Variants in CNTN4 observed in about 807,000 individuals in gnomAD.
The protein encoded by CNTN4 is contactin 4, also known as contactin-4.
In CNTN4, 77 loss-of-function variants were observed where a neutral mutation model predicts 122.5. The observed-to-expected ratio is 0.63, with a 90% CI of 0.52 to 0.76. The LOEUF (loss-of-function observed/expected upper bound fraction) is 0.76, where lower values mean the gene tolerates loss of function less well. Among genes scored for constraint, CNTN4 ranks in the 30% least tolerant of loss-of-function variants. The probability of loss-of-function intolerance (pLI) is 0.00; values close to 1 mark genes in which losing one functional copy is unlikely to be tolerated. For synonymous variants in CNTN4, 512 were observed against 447.0 expected (o/e 1.15, Z -1.83); for missense variants, 1,256 against 1,259.1 (o/e 1.00, Z 0.04).
chr3:2,999,619 A>T (rs1398011113), intron 14 of CNTN4, among the ~76,000 whole-genome samples: 1 of 152,076 alleles, frequency 6.6e-6, no homozygotes, highest in African/African-American at 2.4e-5. Flanking sequence ...TCCAGAGGGG[A>T]GGAACATGGC....
intron 2 of CNTN4, among the ~76,000 whole-genome samples, chr3:2,192,270 G>A (rs892129230): frequency 1.3e-5 from 2 of 152,034 alleles, no homozygotes; most frequent in East Asian, 1.9e-4. Flanking sequence ...GGGTCAAATG[G>A]TATTTCTAGT....
At chr3:2,348,490 C>G (rs555462671) in intron 3 of CNTN4, among the ~76,000 whole-genome samples, 63 of 152,322 alleles carry the variant, frequency 4.1e-4, no homozygotes, top group Admixed American at 1.2e-3. Context: ...GAGAACCACC[C>G]TGTCCCTGAA....
intron 2 of CNTN4, among the ~76,000 whole-genome samples, chr3:2,237,198 G>A (rs2039714864): frequency 6.6e-6 from 1 of 152,120 alleles, no homozygotes; most frequent in Non-Finnish European, 1.5e-5. Context: ...GTTGTGGGGA[G>A]GTGGTGGTGA....
At chr3:2,440,393 T>A (rs2048392118) in intron 3 of CNTN4, among the ~76,000 whole-genome samples, 1 of 152,224 alleles carries the variant, frequency 6.6e-6, no homozygotes, top group South Asian at 2.1e-4. Flanking sequence ...AATGTATGAA[T>A]GAAATTTTGT....
At chr3:2,291,758 G>C (rs1486433423) in intron 2 of CNTN4, among the ~76,000 whole-genome samples, 1 of 151,778 alleles carries the variant, frequency 6.6e-6, no homozygotes, top group Non-Finnish European at 1.5e-5. Flanking sequence ...TTTTGAGATA[G>C]AGTCTCGCTC....
chr3:2,319,028 TA>T (rs2043199437), intron 2 of CNTN4, among the ~76,000 whole-genome samples: 1 of 152,178 alleles, frequency 6.6e-6, no homozygotes, highest in Admixed American at 6.5e-5. Flanking sequence ...CCTCTTCTAA[TA>T]AAATTGTTTT....
chr3:3,000,064 T>C (rs561892693), intron 14 of CNTN4, among the ~76,000 whole-genome samples: 1 of 152,266 alleles, frequency 6.6e-6, no homozygotes, highest in African/African-American at 2.4e-5. Context: ...AGTGATAAAA[T>C]ATAAAGATTT....
chr3:2,294,089 G>A (rs753570169), intron 2 of CNTN4, among the ~76,000 whole-genome samples: 8 of 152,184 alleles, frequency 5.3e-5, no homozygotes, highest in Non-Finnish European at 8.8e-5. Flanking sequence ...CCATGGTGGT[G>A]AGGCAGGCCA....
chr3:2,254,648 G>T (rs1296055639), intron 2 of CNTN4, among the ~76,000 whole-genome samples: 2 of 152,176 alleles, frequency 1.3e-5, no homozygotes, highest in Non-Finnish European at 1.5e-5. Flanking sequence ...CAGGGATGAT[G>T]AGCGTTTTTT....
At chr3:2,225,247 G>C (rs996294680) in intron 2 of CNTN4, among the ~76,000 whole-genome samples, 33 of 150,132 alleles carry the variant, frequency 2.2e-4, no homozygotes, top group South Asian at 4.2e-4. Flanking sequence ...AGGCGCATTG[G>C]CTCACACCTG....
chr3:2,354,747 A>G (rs974156449), intron 3 of CNTN4, among the ~76,000 whole-genome samples: 1 of 152,064 alleles, frequency 6.6e-6, no homozygotes, highest in African/African-American at 2.4e-5. Context: ...GGCTGTAAGT[A>G]AGCTGTTGAT....
intron 3 of CNTN4, among the ~76,000 whole-genome samples, chr3:2,483,402 A>C (rs2076060999): frequency 1.3e-5 from 2 of 152,106 alleles, no homozygotes; most frequent in African/African-American, 4.8e-5. Flanking sequence ...CTTCTCTCAG[A>C]TGACATTTTG....
intron 6 of CNTN4, among the ~76,000 whole-genome samples, chr3:2,779,041 G>T (rs1395446695): frequency 6.6e-6 from 1 of 152,150 alleles, no homozygotes; most frequent in Non-Finnish European, 1.5e-5. Flanking sequence ...ATTTCCTTCA[G>T]ATGATGAAAT....
chr3:2,175,844 G>A (rs2036725267), intron 2 of CNTN4, among the ~76,000 whole-genome samples: 1 of 152,114 alleles, frequency 6.6e-6, no homozygotes, highest in Non-Finnish European at 1.5e-5. Context: ...GCAGAGAGAG[G>A]GCAATGATAT....
At chr3:2,449,780 C>A (rs1023897579) in intron 3 of CNTN4, among the ~76,000 whole-genome samples, 1 of 152,074 alleles carries the variant, frequency 6.6e-6, no homozygotes, top group Non-Finnish European at 1.5e-5. Flanking sequence ...ATAATGAAAT[C>A]TTGCTATTTA....
In CNTN4 at chr3:2,608,640, C is replaced by T. The variant is rs185477440; in HGVS notation, c.55+37082C>T. On this transcript the variant is annotated intron_variant, in intron 4 of 24. Coordinates refer to ENST00000418658, the MANE Select transcript of CNTN4 (RefSeq NM_175607.3). The stretch of plus-strand genomic sequence containing the variant: ...GGTATTACAGGCACGTGCCACCATG[C>T]CTGGCTAATTTTTTCTCTTTTTAGT... Among the ~76,000 whole-genome samples, 663 of 152,240 alleles carry T rather than the reference C, an allele frequency of 4.4e-3. 4 individuals are homozygous for T. The highest frequency in any genetic ancestry group is 6.3e-3 in the Non-Finnish European group (428 of 68,004).
At chr3:2,978,664 G>A (rs62234362) in intron 13 of CNTN4, among the ~76,000 whole-genome samples, 40,905 of 152,076 alleles carry the variant, frequency 0.27, 6,325 homozygotes, top group African/African-American at 0.43. Context: ...TGACAGGCTC[G>A]CTGACACGTG....
chr3:2,251,490 T>C (rs1206022804), intron 2 of CNTN4, among the ~76,000 whole-genome samples: 2 of 151,954 alleles, frequency 1.3e-5, no homozygotes, highest in African/African-American at 2.4e-5. Context: ...TTAGGAAATA[T>C]GTCTTTGCAT....
chr3:2,190,832 A>ACACG (rs747714626), intron 2 of CNTN4, among the ~76,000 whole-genome samples: 17 of 151,122 alleles, frequency 1.1e-4, no homozygotes, highest in Admixed American at 2.7e-4. Flanking sequence ...ACACACACAC[A>ACACG]CATACACACA....
Sources: allele counts gnomAD v4.1 joint callset (sites outside exome capture counted in the v4.1 genomes callset), GRCh38; gene constraint gnomAD v4.1.1; transcripts MANE v1.5; gene names NCBI Gene and HGNC (gene_info 2026-07-23, HGNC 2026-07-21).